The following DNAH10 variants were observed in gnomAD, a reference collection of about 807,000 sequenced individuals.
The protein encoded by DNAH10 is dynein axonemal heavy chain 10.
In DNAH10, 348 loss-of-function variants were observed where a neutral mutation model predicts 506.6. That is an observed-to-expected ratio of 0.69 (90% confidence interval 0.63 to 0.75). The LOEUF is 0.75. Among genes scored for constraint, DNAH10 ranks in the 30% least tolerant of loss-of-function variants. DNAH10 has a pLI of 0.00. For missense variants in DNAH10, 5,179 were observed against 5,787.1 expected, an observed-to-expected ratio of 0.89 and a Z score of 3.41; for synonymous variants, 2,059 against 2,198.6, an observed-to-expected ratio of 0.94 and a Z score of 1.78.
Position 123,790,104 on chromosome 12 carries a change from T to A in DNAH10, c.1798T>A (p.Phe600Ile). Residue 600 changes from phenylalanine to isoleucine, a missense_variant, in exon 11 of 79, where the codon TTC (phenylalanine) becomes ATC (isoleucine). Phe to Ile is a conservative substitution (Grantham distance 21). Transcript: ENST00000673944. ...SQFWKYVMDE[F>I]KIEVLVIEKE... is the part of the protein sequence containing the mutation. Reference sequence around the variant, plus strand: ...GTTCTGGAAATATGTGATGGATGAATTCAAGATTGAAGTTCTGGCAAGTGA... The same window carrying A: ...GTTCTGGAAATATGTGATGGATGAAATCAAGATTGAAGTTCTGGCAAGTGA... The A allele has an allele frequency of 6.2e-7, 1 of 1,614,094 alleles. No homozygotes were observed. Among genetic ancestry groups the A allele is most frequent in the Non-Finnish European group, 8.5e-7 (1 of 1,180,004 alleles).
At chr12:123,935,098 C>G (rs938530160) in intron 78 of DNAH10, 1 of 599,226 alleles carries the variant, frequency 1.7e-6, no homozygotes, top group African/African-American at 1.9e-5. Flanking sequence ...CTGGTGTGGA[C>G]AGCAGATGTC....
chr12:123,854,069 G>GTTTTTTTT (rs10648649), intron 36 of DNAH10, among the ~76,000 whole-genome samples: 2 of 117,034 alleles, frequency 1.7e-5, no homozygotes, highest in Admixed American at 9.4e-5. Context: ...ACACATTTGG[G>GTTTTTTTT]TTTTTTTTTT....
At chr12:123,772,361 G>A (rs558894307) in intron 3 of DNAH10, among the ~76,000 whole-genome samples, 1 of 152,346 alleles carries the variant, frequency 6.6e-6, no homozygotes, top group East Asian at 1.9e-4. Flanking sequence ...AAGCTTGGAA[G>A]TTGTCACCCT....
intron 36 of DNAH10, among the ~76,000 whole-genome samples, chr12:123,854,038 C>T (rs1458531552): frequency 7.0e-6 from 1 of 142,984 alleles, no homozygotes; most frequent in East Asian, 2.0e-4. Flanking sequence ...CCACAAATCG[C>T]TTCATTCTTT....
At chr12:123,890,440 A>G (rs75873061) in intron 52 of DNAH10, among the ~76,000 whole-genome samples, 1 of 141,566 alleles carries the variant, frequency 7.1e-6, no homozygotes, top group Non-Finnish European at 1.5e-5. Context: ...CCAGCTGATT[A>G]AAAAAAAAAA....
chr12:123,906,723 T>C (rs1427342218), intron 57 of DNAH10, among the ~76,000 whole-genome samples: 1 of 152,210 alleles, frequency 6.6e-6, no homozygotes, highest in Non-Finnish European at 1.5e-5. Context: ...CAATTTGAGT[T>C]TTTCCAGATG....
chr12:123,867,409 T>C lies in DNAH10; in HGVS notation c.7168-58T>C, dbSNP rs542390123. 1.2e-3 allele frequency: 1,911 copies of C among 1,556,344 alleles called. 4 individuals carry two copies. Among genetic ancestry groups the C allele is most frequent in the Non-Finnish European group, 1.4e-3 (1,564 of 1,151,404 alleles). ...TCTTTGGGCAAGAAAAGCTTTCCAC[T>C]AACTTCCATTTAAATAAACAAACCC... On this transcript the variant is annotated intron_variant, in intron 41 of 78. Coordinates refer to ENST00000673944, the MANE Select transcript of DNAH10 (RefSeq NM_001372106.1).
chr12:123,893,781 G>A (rs1953097524), intron 53 of DNAH10, among the ~76,000 whole-genome samples: 1 of 152,182 alleles, frequency 6.6e-6, no homozygotes, highest in African/African-American at 2.4e-5. Flanking sequence ...GGCGGGGGAG[G>A]TTGTGTTCTA....
chr12:123,765,162 C>G (rs1956973832), intron 1 of DNAH10, among the ~76,000 whole-genome samples: 1 of 151,874 alleles, frequency 6.6e-6, no homozygotes, highest in African/African-American at 2.4e-5. Context: ...CAAGCAGATA[C>G]TGGGGCAGGT....
chr12:123,818,743 A>G (rs1959187791), intron 21 of DNAH10, among the ~76,000 whole-genome samples: 1 of 152,122 alleles, frequency 6.6e-6, no homozygotes, highest in Non-Finnish European at 1.5e-5. Flanking sequence ...CAGCCCCCCA[A>G]AGTACTGGGA....
rs1270209716 is a variant in DNAH10, at chr12:123,894,680, C to T, written c.9237C>T (p.Pro3079=). ...ACACTGGTATTGACTGGTTCATGCC[C>T]TGGCCTCCCCAAGCCCTCCATGCGG... is the stretch of plus-strand genomic sequence containing the variant. ...VNNTGIDWFM[P]WPPQALHAVA... is the part of the protein sequence containing the mutation. Residue 3079 remains proline (P), a synonymous_variant, in exon 54 of 79, where the codon CCC becomes CCT. Coordinates refer to ENST00000673944, the MANE Select transcript of DNAH10 (RefSeq NM_001372106.1). 6.2e-7 allele frequency: 1 copy of T among 1,614,024 alleles called. No individual in the cohort carries two copies. Among genetic ancestry groups the T allele is most frequent in the Non-Finnish European group, 8.5e-7 (1 of 1,179,890 alleles).
chr12:123,871,393 G>T (rs1203940907), intron 44 of DNAH10, 64 bp from the exon 45 acceptor site: 1 of 1,542,376 alleles, frequency 6.5e-7, no homozygotes, highest in Non-Finnish European at 8.8e-7. Context: ...ACAACTCCAT[G>T]TTGCCCCCAG....
Position 123,849,298 on chromosome 12 carries a change from T to C in DNAH10, c.6102+416T>C, listed in dbSNP as rs549977227. ...CTTCATACCTTGTGAAGTTACGGCA[T>C]CATAACAAGCAGGATTTGCAAGGTT... On this transcript the variant is annotated intron_variant, in intron 34 of 78. Transcript: ENST00000673944. 2.0e-5 allele frequency among the ~76,000 whole-genome samples: 3 copies of C among 152,326 alleles called. No individual in the cohort carries two copies. In the South Asian group the frequency reaches 6.2e-4, roughly 32 times the overall value.
chr12:123,847,318 A>G (rs1951000296), intron 32 of DNAH10, among the ~76,000 whole-genome samples: 1 of 139,428 alleles, frequency 7.2e-6, no homozygotes, highest in Non-Finnish European at 1.5e-5. Flanking sequence ...TTATCTATCT[A>G]TCTATCTATC....
intron 18 of DNAH10, among the ~76,000 whole-genome samples, chr12:123,807,895 GAA>G (rs1491538597): frequency 7.9e-3 from 56 of 7,078 alleles, no homozygotes; most frequent in South Asian, 0.014. Context: ...AGAGAGAGGT[GAA>G]GAGAGAGGGG....
In DNAH10 at chr12:123,819,009, T is replaced by C. The variant is rs767500334; in HGVS notation, c.3840T>C (p.Phe1280=). The change falls in exon 22 of 79, where the codon TTT becomes TTC. Residue 1280 remains phenylalanine, a synonymous_variant. Coordinates refer to ENST00000673944, the MANE Select transcript of DNAH10 (RefSeq NM_001372106.1). ...TTGAGAGCATATGGTCCAATCTGTT[T>C]AATGATTCAGTGAATGTGGAGCATG... is the stretch of plus-strand genomic sequence containing the variant. ...DKIESIWSNL[F]NDSVNVEHAL... 1.2e-6 allele frequency: 2 copies of C among 1,608,352 alleles called. No individual in the cohort carries two copies. Among genetic ancestry groups the C allele is most frequent in the South Asian group, 2.2e-5 (2 of 89,358 alleles).
At chr12:123,923,301 G>A (rs1326449456) in intron 65 of DNAH10, 1 of 152,720 alleles carries the variant, frequency 6.5e-6, no homozygotes, top group Non-Finnish European at 1.5e-5. Flanking sequence ...TACAATGGCG[G>A]AGTTGAGTGG....
In DNAH10 at chr12:123,919,055, T is replaced by C; in HGVS notation, c.11506+106T>C. ...AATGGAAAGTTACCAAATAGCATTT[T>C]TTCTTTTTTCTTTCTTTCTTTCTTT... On this transcript the variant is annotated intron_variant, in intron 65 of 78. Transcript: ENST00000673944. The surrounding 1 kb of genome is among the most constrained non-coding windows in gnomAD (Gnocchi z 4.9). The C allele has an allele frequency of 7.4e-7, 1 of 1,347,432 alleles. No individual in the cohort carries two copies. Among genetic ancestry groups the C allele is most frequent in the Non-Finnish European group, 9.9e-7 (1 of 1,012,580 alleles). 83.5% of individuals were successfully genotyped at this position (1,347,432 alleles called of 1,614,324 possible).
At chr12:123,856,972 G>A in intron 36 of DNAH10, 84 bp from the exon 37 acceptor site, 2 of 958,788 alleles carry the variant, frequency 2.1e-6, no homozygotes, top group Non-Finnish European at 2.9e-6. Context: ...TTTCATAAGA[G>A]TGTTACCACT....
Sources: allele counts gnomAD v4.1 joint callset (sites outside exome capture counted in the v4.1 genomes callset), GRCh38; gene constraint gnomAD v4.1.1; non-coding constraint Gnocchi (gnomAD v3.1); transcripts MANE v1.5; gene names NCBI Gene and HGNC (gene_info 2026-07-23, HGNC 2026-07-21).